GRIP1: variants seen among roughly 807,000 people sequenced by gnomAD.
The protein encoded by GRIP1 is glutamate receptor interacting protein 1.
Under a neutral mutation model 129.9 loss-of-function variants are expected in GRIP1, and 45 were observed. The observed-to-expected ratio is 0.35, with a 90% CI of 0.27 to 0.44. The LOEUF is 0.44. GRIP1 is among the 20% of genes least tolerant of loss of function. The pLI, the probability that GRIP1 is intolerant of heterozygous loss-of-function variation, is 1.00. For missense variants in GRIP1, 1,196 were observed against 1,396.8 expected, an observed-to-expected ratio of 0.86 and a Z score of 2.29; for synonymous variants, 530 against 520.8, an observed-to-expected ratio of 1.02 and a Z score of -0.24.
At chr12:66,415,036 A>G (rs1033064904) in intron 15 of GRIP1, among the ~76,000 whole-genome samples, 3 of 151,718 alleles carry the variant, frequency 2.0e-5, no homozygotes, top group Admixed American at 2.0e-4. Flanking sequence ...AAACCCTAGA[A>G]GAAAATCTAG....
At chr12:66,631,690 T>C (rs2030802210) in intron 1 of GRIP1, among the ~76,000 whole-genome samples, 1 of 152,176 alleles carries the variant, frequency 6.6e-6, no homozygotes, top group Admixed American at 6.5e-5. Flanking sequence ...AAAAGACAAG[T>C]GATACTATGC....
At chr12:66,845,338 T>A (rs1353519949) in intron 1 of GRIP1, among the ~76,000 whole-genome samples, 5 of 152,062 alleles carry the variant, frequency 3.3e-5, no homozygotes, top group African/African-American at 9.7e-5. Flanking sequence ...ATGCCTGTAG[T>A]CCCAACTACT....
chr12:66,465,865 A>G (rs936323052), intron 7 of GRIP1, among the ~76,000 whole-genome samples: 1 of 152,180 alleles, frequency 6.6e-6, no homozygotes, highest in Non-Finnish European at 1.5e-5. Context: ...TATAAAAAAG[A>G]AAGGAAGGAA....
At chr12:66,580,482 G>T (rs2063330971) in intron 2 of GRIP1, among the ~76,000 whole-genome samples, 1 of 152,160 alleles carries the variant, frequency 6.6e-6, no homozygotes, top group South Asian at 2.1e-4. Context: ...AAAGAGTCAA[G>T]ACCCATCAGT....
chr12:66,918,287 C>T (rs115552603), intron 1 of GRIP1, among the ~76,000 whole-genome samples: 1 of 151,948 alleles, frequency 6.6e-6, no homozygotes, highest in East Asian at 1.9e-4. Context: ...GGCAGTTAGG[C>T]AAGAGGTATT....
intron 2 of GRIP1, among the ~76,000 whole-genome samples, chr12:66,549,976 T>C (rs2062072134): frequency 6.6e-6 from 1 of 152,204 alleles, no homozygotes; most frequent in South Asian, 2.1e-4. Flanking sequence ...GTCAGGATTC[T>C]TTTAAAAATA....
rs1485529804 is a variant in GRIP1, at chr12:66,465,255, G to A, written c.872+20C>T. On this transcript the variant is annotated intron_variant, in intron 8 of 24. Transcript: ENST00000359742. ...GCCACTGCGCCTGGCGGAAAAGTAG[G>A]CACTTTCTACAATACTTACCTGTCT... is the stretch of plus-strand genomic sequence containing the variant. 2 of 1,609,872 alleles carry A rather than the reference G, an allele frequency of 1.2e-6. No individual in the cohort carries two copies. Among genetic ancestry groups the A allele is most frequent in the Non-Finnish European group, 1.7e-6 (2 of 1,176,776 alleles).
intron 1 of GRIP1, among the ~76,000 whole-genome samples, chr12:66,911,181 G>C (rs1566075301): frequency 6.6e-6 from 1 of 152,192 alleles, no homozygotes; most frequent in Non-Finnish European, 1.5e-5. Flanking sequence ...CTGGAGCTTT[G>C]AGATCCCATA....
At chr12:66,902,930 T>G (rs746302009) in intron 1 of GRIP1, among the ~76,000 whole-genome samples, 1 of 152,216 alleles carries the variant, frequency 6.6e-6, no homozygotes, top group African/African-American at 2.4e-5. Flanking sequence ...GCTTCACATA[T>G]ACGTGACAAA....
intron 1 of GRIP1, among the ~76,000 whole-genome samples, chr12:66,815,864 C>T (rs1275983418): frequency 1.3e-4 from 20 of 149,516 alleles, no homozygotes; most frequent in Non-Finnish European, 1.9e-4. Flanking sequence ...TTCTCTCTCT[C>T]TCTCTCTCTC....
chr12:66,613,921 T>G (rs2064925741), intron 1 of GRIP1, among the ~76,000 whole-genome samples: 1 of 152,210 alleles, frequency 6.6e-6, no homozygotes, highest in Non-Finnish European at 1.5e-5. Flanking sequence ...AAATCATGTT[T>G]GAAGACACAT....
chr12:66,595,031 T>C (rs959504623), intron 2 of GRIP1, among the ~76,000 whole-genome samples: 1 of 152,198 alleles, frequency 6.6e-6, no homozygotes, highest in Non-Finnish European at 1.5e-5. Flanking sequence ...CTTAGCCCTC[T>C]GGCTGGTGCA....
At chr12:66,727,381 C>A (rs2036289037) in intron 1 of GRIP1, among the ~76,000 whole-genome samples, 1 of 152,190 alleles carries the variant, frequency 6.6e-6, no homozygotes, top group African/African-American at 2.4e-5. Flanking sequence ...TCTTAAAAGG[C>A]ATCACATGCT....
chr12:66,652,379 T>C (rs905514617), intron 1 of GRIP1, among the ~76,000 whole-genome samples: 9 of 152,154 alleles, frequency 5.9e-5, no homozygotes, highest in African/African-American at 2.2e-4. Context: ...CATGCCTGCT[T>C]CTCCTTCTGC....
At chr12:66,451,327 G>A (rs2058788795) in intron 11 of GRIP1, among the ~76,000 whole-genome samples, 1 of 135,918 alleles carries the variant, frequency 7.4e-6, no homozygotes, top group South Asian at 2.4e-4. Flanking sequence ...TCAGCTATGA[G>A]AAGCATTTAA....
At position 66,735,124 on chromosome 12, in the gene GRIP1, G is replaced by A. The variant is rs540208841; in HGVS notation, c.-420+68929C>T. Among the ~76,000 whole-genome samples the A allele has an allele frequency of 3.9e-5, 6 of 152,222 alleles. No homozygotes were observed. In the South Asian group the frequency reaches 1.2e-3, roughly 32 times the overall value. ...CTCAAATGCTTGTCCTCACAGCAGT[G>A]ATGGGAAGCAAAAAGTGGAGTCCCT... is the stretch of plus-strand genomic sequence containing the variant. On this transcript the variant is annotated intron_variant, in intron 1 of 4. Coordinates refer to the GRIP1 transcript ENST00000538373.
intron 16 of GRIP1, among the ~76,000 whole-genome samples, chr12:66,395,165 G>A (rs1381688262): frequency 2.0e-5 from 3 of 152,182 alleles, no homozygotes; most frequent in Non-Finnish European, 4.4e-5. Flanking sequence ...ATCATGGGCC[G>A]CCTTCAACGT....
rs528745282 is a variant in GRIP1 at position 66,475,652 on chromosome 12, A to C, written c.725-10230T>G. Among the ~76,000 whole-genome samples, 6 of 152,226 alleles carry C rather than the reference A, an allele frequency of 3.9e-5. No homozygotes were observed. In the South Asian group the frequency reaches 6.2e-4, roughly 16 times the overall value. ...TCTCTCAGACCACAGTGCAATCAAA[A>C]TAGAACTCAGGATTAAGAAACTCAC... On this transcript the variant is annotated intron_variant, in intron 7 of 24. Transcript: ENST00000359742.
intron 23 of GRIP1, among the ~76,000 whole-genome samples, chr12:66,356,694 T>C (rs2054504726): frequency 6.6e-6 from 1 of 151,766 alleles, no homozygotes; most frequent in Admixed American, 6.6e-5. Flanking sequence ...CAAACACCAG[T>C]CCGCATGTCA....
Sources: gnomAD v4.1 joint callset for allele counts (sites outside exome capture counted in the v4.1 genomes callset) on GRCh38, gnomAD v4.1.1 for gene constraint, MANE v1.5 for transcripts, NCBI Gene and HGNC (gene_info 2026-07-23, HGNC 2026-07-21) for gene names.